Variants in ADNP observed in about 807,000 individuals in gnomAD.
ADNP encodes activity dependent neuroprotector homeobox, also known as activity-dependent neuroprotector homeobox protein.
ADNP carries 4 observed loss-of-function variants against 84.9 expected under a neutral mutation model. The ratio of observed to expected loss-of-function variants is 0.05; its 90% CI spans 0.02 to 0.11. The LOEUF is 0.11. Ranked by LOEUF, ADNP falls within the 10% of genes least tolerant of loss-of-function variation. The pLI is 1.00. For synonymous variants in ADNP, 554 were observed against 468.1 expected (o/e 1.18, Z -2.37); for missense variants, 1,132 against 1,326.0 (o/e 0.85, Z 2.27).
At chr20:50,930,372 T>G (rs1240921553) in intron 1 of ADNP, among the ~76,000 whole-genome samples, 1 of 139,854 alleles carries the variant, frequency 7.2e-6, no homozygotes. Context: ...CCGTCCCCCC[T>G]CCCCCAGGTA....
chr20:50,896,823 C>T (rs1981445032), intron 5 of ADNP, among the ~76,000 whole-genome samples: 1 of 152,148 alleles, frequency 6.6e-6, no homozygotes, highest in African/African-American at 2.4e-5. Context: ...CAAGAATAAG[C>T]CCACGGTGCT....
chr20:50,892,873 G>A lies in ADNP; in HGVS notation c.1841C>T (p.Pro614Leu). The A allele has an allele frequency of 6.2e-7, 1 of 1,614,188 alleles. No homozygotes were observed. Among genetic ancestry groups the A allele is most frequent in the Non-Finnish European group, 8.5e-7 (1 of 1,180,028 alleles). The stretch of plus-strand genomic sequence containing the variant: ...GGTTTTCCCAACATCTTTTTTATAG[G>A]GCACTGCAGCTTGAGGTGAACTTTT... ...PVKSSPQAAV[P>L]YKKDVGKTLC... is the part of the protein sequence containing the mutation. Residue 614 changes from proline (P) to leucine (L), a missense_variant, in exon 6 of 6, where the codon CCC becomes CTC. Pro to Leu is a moderately conservative substitution (Grantham distance 98, BLOSUM62 -3). Coordinates refer to ENST00000621696, the MANE Select transcript of ADNP (RefSeq NM_001282531.3).
At position 50,892,278 on chromosome 20, in the gene ADNP, G is replaced by C; in HGVS notation, c.2436C>G (p.Val812=). The part of the protein sequence containing the change: ...SHFSNKRKKC[V]RDCEKYKPGV... ...CAGGCTTGTACTTTTCACAATCACG[G>C]ACACACTTCTTCCTTTTGTTACTAA... Residue 812 remains valine (V), a synonymous_variant, in exon 6 of 6, where the codon GTC becomes GTG. Transcript: ENST00000621696. 6.2e-7 allele frequency: 1 copy of C among 1,614,096 alleles called. No individual in the cohort carries two copies.
rs141954888 is a variant in ADNP, at chr20:50,913,807, TG to T, written c.-89-8959del. On this transcript the variant is annotated intron_variant, in intron 2 of 5. Transcript: ENST00000621696. ...CTGGAGGAGGTGAAGGAGAGGATTC[TG>T]GCCAATAAACCCCTGGCTATGAGAA... The T allele has an allele frequency of 5.7e-3, 2,849 of 497,828 alleles. 68 individuals are homozygous for T. The highest frequency in any genetic ancestry group is 0.05 in the African/African-American group (2,508 of 50,662). 30.8% of individuals were successfully genotyped at this position (497,828 alleles called of 1,614,324 possible). A position where few individuals can be genotyped will look rare whatever the true frequency, so the allele number is the denominator to read the frequency against.
At position 50,889,748 on chromosome 20, in the gene ADNP, C is replaced by A; in HGVS notation, c.*1657G>T. ...GGAAATGTTGGCCTAATTCTGCTTC[C>A]TTGTAACTTTCTGCTTTTTAGTACA... On this transcript the variant is annotated 3_prime_UTR_variant, in exon 6 of 6. Coordinates refer to ENST00000621696, the MANE Select transcript of ADNP (RefSeq NM_001282531.3). The A allele has an allele frequency of 2.5e-6, 1 of 396,176 alleles. No individual in the cohort carries two copies. Among genetic ancestry groups the A allele is most frequent in the Non-Finnish European group, 4.4e-6 (1 of 224,904 alleles). 24.5% of individuals were successfully genotyped at this position (396,176 alleles called of 1,614,324 possible).
At chr20:50,906,403 C>T (rs1485803691) in intron 2 of ADNP, among the ~76,000 whole-genome samples, 2 of 152,114 alleles carry the variant, frequency 1.3e-5, no homozygotes, top group Non-Finnish European at 2.9e-5. Context: ...ATTTCATAAA[C>T]TCTCTATGGG....
rs376577810 is a variant in ADNP, at chr20:50,893,123, T to G, written c.1591A>C (p.Met531Leu). The change falls in exon 6 of 6, where the codon ATG becomes CTG. Residue 531 changes from methionine (M) to leucine (L), a missense_variant. By Grantham distance (15) the Met-to-Leu change is conservative (BLOSUM62 2). Coordinates refer to ENST00000621696, the MANE Select transcript of ADNP (RefSeq NM_001282531.3). This position sits in a 1 kb window ranked among gnomAD's most constrained non-coding sequence, Gnocchi z 4.4. ...TCTTCATCAATGTGAACCATCCGCA[T>G]GTGTGCGGCCATCTTTTCCACATCA... ...FNDVEKMAAH[M>L]RMVHIDEEMG... 35 of 1,614,248 alleles carry G rather than the reference T, an allele frequency of 2.2e-5. No homozygotes were observed. The highest frequency in any genetic ancestry group is 3.0e-5 in the Non-Finnish European group (35 of 1,180,048).
In ADNP at chr20:50,931,164, G is replaced by C. The variant is rs1247359996; in HGVS notation, c.-603C>G. 1 of 151,044 alleles carries C rather than the reference G, an allele frequency of 6.6e-6. No homozygotes were observed. Among genetic ancestry groups the C allele is most frequent in the Non-Finnish European group, 1.5e-5 (1 of 67,356 alleles). 9.4% of individuals were successfully genotyped at this position (151,044 alleles called of 1,614,324 possible). A position where few individuals can be genotyped will look rare whatever the true frequency, so the allele number is the denominator to read the frequency against. On this transcript the variant is annotated 5_prime_UTR_variant, in exon 1 of 6. Coordinates refer to ENST00000621696, the MANE Select transcript of ADNP (RefSeq NM_001282531.3). ...CTCTCGCTCCTCAGCAGCGGGGACC[G>C]AGAGAGGGAGCTGTGTCTGAGAAGA...
chr20:50,922,682 C>T (rs891164744), intron 2 of ADNP, among the ~76,000 whole-genome samples: 4 of 150,934 alleles, frequency 2.7e-5, no homozygotes, highest in Non-Finnish European at 5.9e-5. Flanking sequence ...CGGGTTTGAG[C>T]AATTCTCCAG....
chr20:50,922,681 G>A (rs1984038045), intron 2 of ADNP, among the ~76,000 whole-genome samples: 1 of 151,018 alleles, frequency 6.6e-6, no homozygotes, highest in African/African-American at 2.4e-5. Context: ...CCGGGTTTGA[G>A]CAATTCTCCA....
chr20:50,897,363 C>T (rs1025816899), intron 5 of ADNP, among the ~76,000 whole-genome samples: 5 of 152,176 alleles, frequency 3.3e-5, no homozygotes, highest in African/African-American at 7.2e-5. Flanking sequence ...TTCACCTATG[C>T]GGGAACTTGT....
Position 50,931,392 on chromosome 20 carries a change from G to A in ADNP, c.-831C>T, listed in dbSNP as rs931071043. On this transcript the variant is annotated 5_prime_UTR_variant, in exon 1 of 6. Transcript: ENST00000621696. ...CTCAGCAGACAATACAAGCGCCTCG[G>A]ACCGAGTCCCCGAACCTGCCCTAGC... 2.0e-5 allele frequency: 3 copies of A among 152,584 alleles called. No homozygotes were observed. Among genetic ancestry groups the A allele is most frequent in the Non-Finnish European group, 4.4e-5 (3 of 68,348 alleles). 9.5% of individuals were successfully genotyped at this position (152,584 alleles called of 1,614,324 possible). A position where few individuals can be genotyped will look rare whatever the true frequency, so the allele number is the denominator to read the frequency against.
In ADNP at chr20:50,892,686, G is replaced by A. The variant is rs771916861; in HGVS notation, c.2028C>T (p.Thr676=). 2.8e-5 allele frequency: 45 copies of A among 1,614,048 alleles called. No homozygotes were observed. The highest frequency in any genetic ancestry group is 6.7e-5 in the East Asian group (3 of 44,890). The change falls in exon 6 of 6, where the codon ACC becomes ACT. Residue 676 remains threonine (T), a synonymous_variant. Coordinates refer to ENST00000621696, the MANE Select transcript of ADNP (RefSeq NM_001282531.3). ...HCLGVYTSNM[T]ASTITLHLVH... ...CTAGATGCAGAGTGATAGTTGAGGC[G>A]GTCATGTTGCTGGTATACACACCAA...
chr20:50,923,761 G>A (rs1018584777), intron 2 of ADNP, among the ~76,000 whole-genome samples: 21 of 152,060 alleles, frequency 1.4e-4, no homozygotes, highest in Non-Finnish European at 2.4e-4. Flanking sequence ...CAGGTGACCC[G>A]CCAGCCTTGG....
At chr20:50,905,726 G>A (rs987332072) in intron 2 of ADNP, among the ~76,000 whole-genome samples, 8 of 152,132 alleles carry the variant, frequency 5.3e-5, no homozygotes, top group Non-Finnish European at 7.4e-5. Context: ...CAATGACTAT[G>A]GTGTCCCCTG....
At chr20:50,899,757 G>T (rs933063004) in intron 5 of ADNP, among the ~76,000 whole-genome samples, 1 of 146,602 alleles carries the variant, frequency 6.8e-6, no homozygotes, top group African/African-American at 2.5e-5. Flanking sequence ...AATTATGTCT[G>T]TGTCTTAGTT....
rs906190640 is a variant in ADNP, at chr20:50,931,390, C to G, written c.-829G>C. ...CCCTCAGCAGACAATACAAGCGCCT[C>G]GGACCGAGTCCCCGAACCTGCCCTA... On this transcript the variant is annotated 5_prime_UTR_variant, in exon 1 of 6. Transcript: ENST00000621696. The G allele has an allele frequency of 3.3e-5, 5 of 152,482 alleles. No homozygotes were observed. Among genetic ancestry groups the G allele is most frequent in the Admixed American group, 6.6e-5 (1 of 15,264 alleles). The allele number at this position is 152,482 out of a possible 1,614,324, so 9.4% of individuals were successfully genotyped here.
In ADNP at chr20:50,891,348, C is replaced by T. The variant is rs1980679290; in HGVS notation, c.*57G>A. The T allele has an allele frequency of 6.6e-7, 1 of 1,507,220 alleles. No individual in the cohort carries two copies. Among genetic ancestry groups the T allele is most frequent in the Non-Finnish European group, 8.8e-7 (1 of 1,134,666 alleles). The allele number at this position is 1,507,220 out of a possible 1,614,324, so 93.4% of individuals were successfully genotyped here. On this transcript the variant is annotated 3_prime_UTR_variant, in exon 6 of 6. Transcript: ENST00000621696. ...CAGTGAGAAGACAGCTTTGCAGTCA[C>T]ACTGGATATCAGAGTTCCAGGCTGC... is the stretch of plus-strand genomic sequence containing the variant.
rs774014392 is a variant in ADNP at position 50,893,929 on chromosome 20, A to G, written c.785T>C (p.Val262Ala). The G allele has an allele frequency of 5.6e-6, 9 of 1,614,138 alleles. No homozygotes were observed. In the South Asian group the frequency reaches 9.9e-5, roughly 18 times the overall value. ...TAGCATCAAGGGTTTGGATCGGGGAACCACTACATTTGTGTGCCCAATCAT... is the reference window on the plus strand; with the variant it reads ...TAGCATCAAGGGTTTGGATCGGGGAGCCACTACATTTGTGTGCCCAATCAT... The part of the protein sequence containing the change: ...TAMIGHTNVV[V>A]PRSKPLMLIA... Residue 262 changes from valine to alanine, a missense_variant, in exon 6 of 6, where the codon GTT becomes GCT. Transcript: ENST00000621696. This position sits in a 1 kb window ranked among gnomAD's most constrained non-coding sequence, Gnocchi z 4.4.
Sources: gnomAD v4.1 joint callset for allele counts (sites outside exome capture counted in the v4.1 genomes callset) on GRCh38, gnomAD v4.1.1 for gene constraint, Gnocchi (gnomAD v3.1) non-coding constraint, MANE v1.5 for transcripts, NCBI Gene and HGNC (gene_info 2026-07-23, HGNC 2026-07-21) for gene names.